The following ZPBP variants were observed in gnomAD, a reference collection of about 807,000 sequenced individuals.
ZPBP encodes the protein zona pellucida binding protein.
A neutral mutation model predicts 44.8 loss-of-function variants in ZPBP; 26 were observed. The observed-to-expected ratio is 0.58, with a 90% CI of 0.43 to 0.81. The LOEUF is 0.81. Ranked by LOEUF, ZPBP falls within the 30% of genes least tolerant of loss-of-function variation. The pLI is 0.00. For missense variants in ZPBP, 409 were observed against 434.0 expected, an observed-to-expected ratio of 0.94 and a Z score of 0.51; for synonymous variants, 174 against 153.2, an observed-to-expected ratio of 1.14 and a Z score of -1.00.
At chr7:49,844,453 C>T in the ZPBP span, among the ~76,000 whole-genome samples, 1 of 152,138 alleles carries the variant, frequency 6.6e-6, no homozygotes, top group East Asian at 1.9e-4. Context: ...AAAATATTGT[C>T]CTATAAATAC....
At chr7:49,971,507 T>C (rs2128770496) in intron 7 of ZPBP, among the ~76,000 whole-genome samples, 1 of 152,250 alleles carries the variant, frequency 6.6e-6, no homozygotes, top group South Asian at 2.1e-4. Flanking sequence ...TTGGATAACT[T>C]AGATGATACT....
At chr7:50,068,257 A>G (rs1289322432) in intron 3 of ZPBP, among the ~76,000 whole-genome samples, 4 of 152,100 alleles carry the variant, frequency 2.6e-5, no homozygotes, top group African/African-American at 9.7e-5. Context: ...GAAGTGCACA[A>G]ACAGCCTGCT....
chr7:49,973,662 C>T (rs2886464), intron 7 of ZPBP, among the ~76,000 whole-genome samples: 118,140 of 151,932 alleles, frequency 0.78, 46,104 homozygotes, highest in East Asian at 0.89. Context: ...TTCACTAAGA[C>T]GGCTAGTGTA....
downstream of ZPBP, among the ~76,000 whole-genome samples, chr7:49,932,939 T>C (rs1794496963): frequency 6.6e-6 from 1 of 152,162 alleles, no homozygotes; most frequent in Non-Finnish European, 1.5e-5. Context: ...GTGACTTTAC[T>C]CCTCATTTGC....
chr7:49,850,869 C>T (rs914043335), intron 2 of ZPBP, among the ~76,000 whole-genome samples: 25 of 152,162 alleles, frequency 1.6e-4, no homozygotes, highest in African/African-American at 5.6e-4. Flanking sequence ...TAGTGGACAC[C>T]GCACCTCAGG....
At chr7:49,906,503 T>G (rs1489004671) in intron 1 of ZPBP, among the ~76,000 whole-genome samples, 1 of 152,082 alleles carries the variant, frequency 6.6e-6, no homozygotes, top group East Asian at 1.9e-4. Flanking sequence ...ACCCAGCTAA[T>G]TTTTTTGTAT....
At chr7:49,907,330 T>G (rs1425864708) in intron 1 of ZPBP, among the ~76,000 whole-genome samples, 1 of 152,166 alleles carries the variant, frequency 6.6e-6, no homozygotes, top group Non-Finnish European at 1.5e-5. Flanking sequence ...ATGCCAGTGA[T>G]AATACAACCA....
chr7:49,887,770 G>A (rs1372945317), intron 2 of ZPBP, among the ~76,000 whole-genome samples: 1 of 152,100 alleles, frequency 6.6e-6, no homozygotes, highest in African/African-American at 2.4e-5. Flanking sequence ...CCAACCCATG[G>A]CACTTCCACT....
intron 1 of ZPBP, among the ~76,000 whole-genome samples, chr7:49,923,856 G>T (rs1316660448): frequency 6.6e-6 from 1 of 152,072 alleles, no homozygotes; most frequent in Admixed American, 6.6e-5. Context: ...GGGCATGTTG[G>T]CTCATGCCTA....
downstream of ZPBP, among the ~76,000 whole-genome samples, chr7:49,850,151 C>T (rs541642465): frequency 4.6e-5 from 7 of 152,276 alleles, no homozygotes; most frequent in East Asian, 3.9e-4. Context: ...AGTGCTGTAA[C>T]GCAGTATTCA....
At position 49,956,126 on chromosome 7, in the gene ZPBP, G is replaced by A. The variant is rs1795579108; in HGVS notation, c.962-18504C>T. Among the ~76,000 whole-genome samples the A allele has an allele frequency of 2.0e-5, 3 of 152,086 alleles. No homozygotes were observed. The South Asian group carries it at 6.2e-4, about 32-fold the overall frequency. Reference sequence around the variant, plus strand: ...CAAAGAGATTAAAGTGAATTTAGAAGGACAGTTGAAAGAAACAACTCACAC... The same window carrying A: ...CAAAGAGATTAAAGTGAATTTAGAAAGACAGTTGAAAGAAACAACTCACAC... On this transcript the variant is annotated intron_variant, in intron 7 of 7. Coordinates refer to ENST00000046087, the MANE Select transcript of ZPBP (RefSeq NM_007009.3).
chr7:49,843,280 T>G, the ZPBP span, among the ~76,000 whole-genome samples: 2 of 152,192 alleles, frequency 1.3e-5, no homozygotes, highest in Non-Finnish European at 2.9e-5. Flanking sequence ...AACTTCATTT[T>G]CTCATGGGTG....
At chr7:49,888,498 A>G (rs891212453) in intron 2 of ZPBP, among the ~76,000 whole-genome samples, 1 of 152,290 alleles carries the variant, frequency 6.6e-6, no homozygotes, top group East Asian at 1.9e-4. Context: ...CCATGTCACT[A>G]TGAAGGGGTT....
At chr7:50,068,055 T>C (rs1801620939) in intron 3 of ZPBP, among the ~76,000 whole-genome samples, 1 of 152,224 alleles carries the variant, frequency 6.6e-6, no homozygotes, top group African/African-American at 2.4e-5. Context: ...AGCTGGAGCC[T>C]GAGTCAAGGC....
intron 7 of ZPBP, among the ~76,000 whole-genome samples, chr7:49,950,572 ATATG>A (rs907751487): frequency 5.9e-5 from 9 of 151,800 alleles, no homozygotes; most frequent in African/African-American, 1.9e-4. Context: ...AGACGTGTAT[ATATG>A]TATTTTATAT....
At chr7:50,007,919 A>G (rs912213848) in intron 6 of ZPBP, among the ~76,000 whole-genome samples, 5 of 152,042 alleles carry the variant, frequency 3.3e-5, no homozygotes, top group Non-Finnish European at 7.4e-5. Context: ...CATCATACTC[A>G]ATATTGAAAG....
At chr7:50,091,092 G>A (rs1802970132) in intron 1 of ZPBP, among the ~76,000 whole-genome samples, 1 of 151,348 alleles carries the variant, frequency 6.6e-6, no homozygotes, top group Non-Finnish European at 1.5e-5. Context: ...TCATATGTTT[G>A]TTGGCCATTT....
intron 4 of ZPBP, 99 bp downstream of exon 4, chr7:50,057,890 T>C (rs903024324): frequency 2.6e-6 from 3 of 1,172,524 alleles, no homozygotes; most frequent in Non-Finnish European, 3.6e-6. Flanking sequence ...TAAATGAGAC[T>C]AAAAATAACA....
At chr7:49,945,726 T>C (rs1039371392) in intron 7 of ZPBP, among the ~76,000 whole-genome samples, 17 of 152,142 alleles carry the variant, frequency 1.1e-4, no homozygotes, top group African/African-American at 4.1e-4. Flanking sequence ...TATGTGTGTG[T>C]CCGTCTGGGT....
Sources: gnomAD v4.1 joint callset for allele counts (sites outside exome capture counted in the v4.1 genomes callset) on GRCh38, gnomAD v4.1.1 for gene constraint, MANE v1.5 for transcripts, NCBI Gene and HGNC (gene_info 2026-07-23, HGNC 2026-07-21) for gene names.